The following BRD3 variants were observed in gnomAD, a reference collection of about 807,000 sequenced individuals.
BRD3 encodes bromodomain containing 3.
BRD3 carries 17 observed loss-of-function variants against 66.8 expected under a neutral mutation model. The observed-to-expected ratio is 0.25, with a 90% CI of 0.17 to 0.38. The LOEUF is 0.38. Among genes scored for constraint, BRD3 ranks in the 10% least tolerant of loss-of-function variants. The pLI, the probability that BRD3 is intolerant of heterozygous loss-of-function variation, is 1.00. For synonymous variants in BRD3, 421 were observed against 393.2 expected (o/e 1.07, Z -0.84); for missense variants, 713 against 956.1 (o/e 0.75, Z 3.35).
chr9:134,066,267 G>A (rs1024473781), intron 1 of BRD3, among the ~76,000 whole-genome samples: 1 of 152,138 alleles, frequency 6.6e-6, no homozygotes, highest in Non-Finnish European at 1.5e-5. Context: ...CCTGCAGCCC[G>A]TCCTGTTACA....
intron 1 of BRD3, among the ~76,000 whole-genome samples, chr9:134,061,121 G>A (rs1172375636): frequency 6.6e-6 from 1 of 152,268 alleles, no homozygotes; most frequent in Admixed American, 6.5e-5. Flanking sequence ...TTGGGGAGCA[G>A]AGACCCAGAG....
At position 134,040,153 on chromosome 9, in the gene BRD3, C is replaced by T. The variant is rs199812383; in HGVS notation, c.1524G>A (p.Lys508=). 1 of 1,561,370 alleles carries T rather than the reference C, an allele frequency of 6.4e-7. No individual in the cohort carries two copies. Among genetic ancestry groups the T allele is most frequent in the African/African-American group, 1.4e-5 (1 of 73,478 alleles). The change falls in exon 9 of 12, where the codon AAG becomes AAA. Residue 508 remains lysine, a synonymous_variant. Coordinates refer to ENST00000303407, the MANE Select transcript of BRD3 (RefSeq NM_007371.4). ...CCTCGGCCTTCACTTTGTGCTTCTC[C>T]TTCTCCTTCTCCTTGTCCTTCTTCT... ...EKKKKDKEKE[K]EKHKVKAEEE...
chr9:134,047,011 G>A (rs1177953295), intron 6 of BRD3, among the ~76,000 whole-genome samples: 3 of 152,156 alleles, frequency 2.0e-5, no homozygotes, highest in Non-Finnish European at 4.4e-5. Context: ...GGCTGCAGCC[G>A]AGGCTCCTGG....
Position 134,033,649 on chromosome 9 carries a change from A to T in BRD3, c.2122T>A (p.Ser708Thr). 1 of 770,554 alleles carries T rather than the reference A, an allele frequency of 1.3e-6. No homozygotes were observed. Among genetic ancestry groups the T allele is most frequent in the Non-Finnish European group, 2.4e-6 (1 of 413,730 alleles). 47.7% of individuals were successfully genotyped at this position (770,554 alleles called of 1,614,324 possible). A position where few individuals can be genotyped will look rare whatever the true frequency, so the allele number is the denominator to read the frequency against. Residue 708 changes from serine to threonine, a missense_variant, in exon 12 of 12, where the codon TCC becomes ACC. Ser to Thr is a moderately conservative substitution (Grantham distance 58). Around this residue, in one of 5 missense-constraint regions of BRD3, gnomAD observed 42 missense variants for 29.2 expected, o/e 1.44. Transcript: ENST00000303407. The surrounding 1 kb of genome is among the most constrained non-coding windows in gnomAD (Gnocchi z 5.1). ...GPSRLSSSSS[S>T]ESGSSSSSGS... ...CTGGAGCTGCTGCTCCCAGACTCGGAGGAGCTGCTGCTGCTGAGCCTGGAC... is the reference window on the plus strand; with the variant it reads ...CTGGAGCTGCTGCTCCCAGACTCGGTGGAGCTGCTGCTGCTGAGCCTGGAC...
Position 134,041,846 on chromosome 9 carries a change from G to T in BRD3, c.1321C>A (p.Arg441Ser), listed in dbSNP as rs201243496. The T allele has an allele frequency of 6.2e-7, 1 of 1,612,996 alleles. No individual in the cohort carries two copies. The highest frequency in any genetic ancestry group is 8.5e-7 in the Non-Finnish European group (1 of 1,179,838). ...TCCGAAGAGCTCTCCTCACTGCTACGGCTGCTCTCAGCGCCCTTGCTCACC... is the reference window on the plus strand; with the variant it reads ...TCCGAAGAGCTCTCCTCACTGCTACTGCTGCTCTCAGCGCCCTTGCTCACC... ...PMVSKGAESSRSSEESSSDSG... is the reference protein window; with the variant it reads ...PMVSKGAESSSSSEESSSDSG... The change falls in exon 8 of 12, where the codon CGT becomes AGT. Residue 441 changes from arginine to serine, a missense_variant. Transcript: ENST00000303407.
rs769293620 is a variant in BRD3, at chr9:134,055,045, C to T, written c.-113-1455G>A. 2.1e-4 allele frequency among the ~76,000 whole-genome samples: 31 copies of T among 147,990 alleles called. 1 individual carries two copies. Among genetic ancestry groups the T allele is most frequent in the Admixed American group, 2.7e-4 (4 of 15,092 alleles). ...CTCTTCTATGCCCTCCTGAGGTGAG[C>T]GGGTGCCTCTCCACCTCACCGACCC... On this transcript the variant is annotated intron_variant, in intron 1 of 11. Transcript: ENST00000303407.
rs945520760 is a variant in BRD3, at chr9:134,032,517, C to T, written c.*1073G>A. The T allele has an allele frequency of 8.7e-6, 2 of 229,174 alleles. No individual in the cohort carries two copies. The highest frequency in any genetic ancestry group is 2.2e-5 in the African/African-American group (1 of 44,708). 14.2% of individuals were successfully genotyped at this position (229,174 alleles called of 1,614,324 possible). On this transcript the variant is annotated 3_prime_UTR_variant, in exon 12 of 12. Transcript: ENST00000303407. Reference sequence around the variant, plus strand: ...ACCCAGGGGCGAGCGCGCGAACAGACGTGGGTGAGCACCGCGCGGTGGCAG... The same window carrying T: ...ACCCAGGGGCGAGCGCGCGAACAGATGTGGGTGAGCACCGCGCGGTGGCAG...
chr9:134,066,499 G>GA (rs1381626043), intron 1 of BRD3, among the ~76,000 whole-genome samples: 1 of 150,722 alleles, frequency 6.6e-6, no homozygotes, highest in East Asian at 2.0e-4. Flanking sequence ...ACTTTCCCCA[G>GA]AAAAATGCCA....
At chr9:134,050,290 G>T in intron 5 of BRD3, 84 bp downstream of exon 5, 1 of 1,372,156 alleles carries the variant, frequency 7.3e-7, no homozygotes. Context: ...AAAGGTGGGG[G>T]CCCCCCGCCT....
intron 1 of BRD3, among the ~76,000 whole-genome samples, chr9:134,064,328 G>C (rs550660213): frequency 6.6e-6 from 1 of 152,030 alleles, no homozygotes; most frequent in East Asian, 1.9e-4. Context: ...AGGAGTTCAA[G>C]ACCAGCCCGG....
intron 7 of BRD3, among the ~76,000 whole-genome samples, chr9:134,044,784 C>G (rs978764775): frequency 6.6e-6 from 1 of 152,346 alleles, no homozygotes; most frequent in East Asian, 1.9e-4. Context: ...GACCAAGACA[C>G]TCCTGTTTTC....
In BRD3 at chr9:134,051,847, ATGTGTGTGTG is replaced by A. The variant is rs752502651; in HGVS notation, c.352-148_352-139del. 41 of 516,872 alleles carry A rather than the reference ATGTGTGTGTG, an allele frequency of 7.9e-5. 1 individual carries two copies. The highest frequency in any genetic ancestry group is 2.0e-4 in the Admixed American group (4 of 20,196). 32.0% of individuals were successfully genotyped at this position (516,872 alleles called of 1,614,324 possible). On this transcript the variant is annotated intron_variant, in intron 3 of 11. Coordinates refer to ENST00000303407, the MANE Select transcript of BRD3 (RefSeq NM_007371.4). ...GCGCAGGAGAGAACAAAATGAATAT[ATGTGTGTGTG>A]TGTGTGTGTGTGTGTGTGTGTTGTT...
At chr9:134,035,529 G>A (rs1290792276) in intron 10 of BRD3, among the ~76,000 whole-genome samples, 1 of 152,168 alleles carries the variant, frequency 6.6e-6, no homozygotes, top group Non-Finnish European at 1.5e-5. Flanking sequence ...GGTGCCCCAG[G>A]GTCCGTCCTG....
In BRD3 at chr9:134,032,146, C is replaced by CA; in HGVS notation, c.*1443dup. ...GGCCAGTTTGGGACATCCCCGTACT[C>CA]AAAGACCATATGGCAGCCTCTGGGA... On this transcript the variant is annotated 3_prime_UTR_variant, in exon 12 of 12. Transcript: ENST00000303407. 1 of 217,668 alleles carries CA rather than the reference C, an allele frequency of 4.6e-6. No individual in the cohort carries two copies. The highest frequency in any genetic ancestry group is 9.2e-6 in the Non-Finnish European group (1 of 108,300). The allele number at this position is 217,668 out of a possible 1,614,324, so 13.5% of individuals were successfully genotyped here. A position where few individuals can be genotyped will look rare whatever the true frequency, so the allele number is the denominator to read the frequency against.
At chr9:134,056,659 CCCA>C (rs1219924041) in intron 1 of BRD3, 2 of 152,394 alleles carry the variant, frequency 1.3e-5, no homozygotes, top group Non-Finnish European at 2.9e-5. Context: ...GGTACTGGGA[CCCA>C]CCACCTGGCA....
chr9:134,053,586 G>A lies in BRD3; in HGVS notation c.-109C>T, dbSNP rs199990931. 5.5e-6 allele frequency: 8 copies of A among 1,446,266 alleles called. No individual in the cohort carries two copies. In the East Asian group the frequency reaches 1.2e-4, roughly 23 times the overall value. The allele number at this position is 1,446,266 out of a possible 1,614,324, so 89.6% of individuals were successfully genotyped here. ...GTCCCATTTCCGGGCCCAACCAGGC[G>A]ACAGCTGCAGAGGAGGAAGCACAAC... On this transcript the variant is annotated 5_prime_UTR_variant, in exon 2 of 12. Transcript: ENST00000303407.
chr9:134,040,081 C>A lies in BRD3; in HGVS notation c.1596G>T (p.Gln532His). 1 of 1,589,604 alleles carries A rather than the reference C, an allele frequency of 6.3e-7. No individual in the cohort carries two copies. The part of the protein sequence containing the change: ...KVAPPAKQAQ[Q>H]KKAPAKKANS... ...TGGCCTTCTTGGCAGGAGCCTTCTT[C>A]TGCTGAGCCTGCTTGGCAGGCGGAG... is the stretch of plus-strand genomic sequence containing the variant. The change falls in exon 9 of 12, where the codon CAG becomes CAT. Residue 532 changes from glutamine to histidine, a missense_variant. Physicochemically the swap from Gln to His is conservative, Grantham distance 24 (BLOSUM62 0). This residue lies in a region of BRD3 where 418 missense variants were observed against 609.3 expected (regional missense o/e 0.69). Coordinates refer to ENST00000303407, the MANE Select transcript of BRD3 (RefSeq NM_007371.4).
intron 1 of BRD3, among the ~76,000 whole-genome samples, chr9:134,067,127 T>G (rs964923501): frequency 1.3e-5 from 2 of 152,194 alleles, no homozygotes; most frequent in Non-Finnish European, 2.9e-5. Flanking sequence ...ACGTTGTCAC[T>G]CCGGCGCCCC....
chr9:134,053,296 T>A lies in BRD3; in HGVS notation c.182A>T (p.Gln61Leu). 1 of 1,613,298 alleles carries A rather than the reference T, an allele frequency of 6.2e-7. No individual in the cohort carries two copies. Among genetic ancestry groups the A allele is most frequent in the Non-Finnish European group, 8.5e-7 (1 of 1,179,980 alleles). Residue 61 changes from glutamine to leucine, a missense_variant, in exon 2 of 12, where the codon CAG becomes CTG. Gln to Leu is a moderately radical substitution (Grantham distance 113). Transcript: ENST00000303407. ...GTTCAATTTGATTGCGTCCACGGGC[T>A]GGTAGAAGGGCCAGGCGAACTGGTG... ...WKHQFAWPFY[Q>L]PVDAIKLNLP...
Sources: gnomAD v4.1 joint callset for allele counts (sites outside exome capture counted in the v4.1 genomes callset) on GRCh38, gnomAD v4.1.1 for gene constraint, gnomAD v4.1.1 regional missense constraint, Gnocchi (gnomAD v3.1) non-coding constraint, MANE v1.5 for transcripts, NCBI Gene and HGNC (gene_info 2026-07-23, HGNC 2026-07-21) for gene names.